The following PANK1 variants were observed in gnomAD, a reference collection of about 807,000 sequenced individuals.
PANK1 encodes the protein pantothenate kinase 1, also known as pantothenic acid kinase 1.
Under a neutral mutation model 40.1 loss-of-function variants are expected in PANK1, and 18 were observed. The observed-to-expected ratio is 0.45, with a 90% CI of 0.31 to 0.67. The LOEUF (loss-of-function observed/expected upper bound fraction) is 0.67, where lower values mean the gene tolerates loss of function less well. Among genes scored for constraint, PANK1 ranks in the 30% least tolerant of loss-of-function variants. PANK1 has a pLI of 0.06. For synonymous variants in PANK1, 242 were observed against 237.7 expected (o/e 1.02, Z -0.17); for missense variants, 457 against 599.6 (o/e 0.76, Z 2.48).
At chr10:89,604,203 AT>A (rs1844872986) in intron 2 of PANK1, among the ~76,000 whole-genome samples, 1 of 152,092 alleles carries the variant, frequency 6.6e-6, no homozygotes, top group African/African-American at 2.4e-5. Flanking sequence ...AGGGTAGGTA[AT>A]TTTTTTACTT....
chr10:89,618,312 TAC>T (rs769052435), intron 1 of PANK1, among the ~76,000 whole-genome samples: 1 of 152,190 alleles, frequency 6.6e-6, no homozygotes, highest in Non-Finnish European at 1.5e-5. Context: ...TATACTAATA[TAC>T]AATGTGTGGG....
rs756086954 is a variant in PANK1, at chr10:89,644,934, G to A, written c.-43C>T. 1.9e-6 allele frequency: 3 copies of A among 1,563,124 alleles called. No individual in the cohort carries two copies. The highest frequency in any genetic ancestry group is 2.3e-5 in the South Asian group (2 of 85,280). ...CTGTGCGCGGGCCCCGGCTCAGGCGGCCTCGCTGGAGGTCATTCTCCGGCG... is the reference window on the plus strand; with the variant it reads ...CTGTGCGCGGGCCCCGGCTCAGGCGACCTCGCTGGAGGTCATTCTCCGGCG... On this transcript the variant is annotated 5_prime_UTR_variant, in exon 1 of 7. Coordinates refer to ENST00000307534, the MANE Select transcript of PANK1 (RefSeq NM_148977.3).
intron 1 of PANK1, among the ~76,000 whole-genome samples, chr10:89,638,414 A>G (rs147159477): frequency 3.9e-5 from 6 of 152,254 alleles, no homozygotes; most frequent in Admixed American, 1.3e-4. Context: ...GCTTCCTTCT[A>G]TCCCTACTGA....
Position 89,612,055 on chromosome 10 carries a change from G to A in PANK1, c.293-7C>T, listed in dbSNP as rs773024611. 6.2e-7 allele frequency: 1 copy of A among 1,607,336 alleles called. No individual in the cohort carries two copies. On this transcript the variant is annotated splice_region_variant and splice_polypyrimidine_tract_variant and intron_variant, in intron 1 of 6. Transcript: ENST00000307534. ...ATGCCAAACCATGGGAATGCTAAAG[G>A]ACAGAAAGAAAGAGTGCTGCTGAAT... is the stretch of plus-strand genomic sequence containing the variant.
At chr10:89,606,023 AT>A (rs112690128) in intron 2 of PANK1, among the ~76,000 whole-genome samples, 1 of 151,682 alleles carries the variant, frequency 6.6e-6, no homozygotes, top group Non-Finnish European at 1.5e-5. Flanking sequence ...CTTTGAAAAG[AT>A]TTTTTTTTCT....
intron 6 of PANK1, among the ~76,000 whole-genome samples, chr10:89,586,902 G>A (rs1844212306): frequency 6.6e-6 from 1 of 152,156 alleles, no homozygotes. Flanking sequence ...TGAGGCGGGT[G>A]GATTACCTGA....
chr10:89,596,183 T>C (rs571670423), intron 3 of PANK1, among the ~76,000 whole-genome samples: 1 of 152,276 alleles, frequency 6.6e-6, no homozygotes, highest in African/African-American at 2.4e-5. Flanking sequence ...GTGTGCTATT[T>C]GGATTTGTTT....
In PANK1 at chr10:89,637,006, C is replaced by T. The variant is rs555449149; in HGVS notation, c.292+7594G>A. Reference sequence around the variant, plus strand: ...CCTCCCGAGTACCTGGGACTACAGGCGCCCGCCACCACGCCTGGCTATTTT... The same window carrying T: ...CCTCCCGAGTACCTGGGACTACAGGTGCCCGCCACCACGCCTGGCTATTTT... On this transcript the variant is annotated intron_variant, in intron 1 of 6. Transcript: ENST00000307534. Among the ~76,000 whole-genome samples the T allele has an allele frequency of 5.3e-5, 8 of 151,108 alleles. No individual in the cohort carries two copies. The South Asian group carries it at 1.3e-3, about 24-fold the overall frequency.
intron 1 of PANK1, among the ~76,000 whole-genome samples, chr10:89,644,143 C>T (rs1842042902): frequency 2.0e-5 from 3 of 152,168 alleles, no homozygotes; most frequent in Admixed American, 2.0e-4. Flanking sequence ...CTGCTGGCTA[C>T]TCTGTGATTC....
chr10:89,583,110 C>G lies in PANK1; in HGVS notation c.*1296G>C, dbSNP rs1375461141. The stretch of plus-strand genomic sequence containing the variant: ...CTCAGAAGGCAGAGAAAGGAAGATT[C>G]ATCATGGAGTAATTGTTCTGTCCTT... On this transcript the variant is annotated 3_prime_UTR_variant, in exon 7 of 7. Transcript: ENST00000307534. The G allele has an allele frequency of 6.6e-6, 1 of 152,136 alleles. No individual in the cohort carries two copies. Among genetic ancestry groups the G allele is most frequent in the Admixed American group, 6.5e-5 (1 of 15,278 alleles). The allele number at this position is 152,136 out of a possible 1,614,324, so 9.4% of individuals were successfully genotyped here. A position where few individuals can be genotyped will look rare whatever the true frequency, so the allele number is the denominator to read the frequency against.
rs1334289212 is a variant in PANK1, at chr10:89,584,463, A to T, written c.1329T>A (p.Gly443=). 1.2e-6 allele frequency: 2 copies of T among 1,602,106 alleles called. No homozygotes were observed. Among genetic ancestry groups the T allele is most frequent in the African/African-American group, 2.7e-5 (2 of 74,674 alleles). ...QLKALFLEHE[G]YFGAVGALLE... ...ACAGTGCCCCAACGGCTCCAAAATA[A>T]CCCTACGAAAACAATACAAAACGAT... Residue 443 remains glycine, a splice_region_variant and synonymous_variant, in exon 7 of 7, where the codon GGT becomes GGA. Transcript: ENST00000307534.
Position 89,584,067 on chromosome 10 carries a change from G to A in PANK1, c.*339C>T, listed in dbSNP as rs2133913118. The A allele has an allele frequency of 4.7e-6, 1 of 210,796 alleles. No individual in the cohort carries two copies. Among genetic ancestry groups the A allele is most frequent in the Non-Finnish European group, 9.5e-6 (1 of 105,602 alleles). The allele number at this position is 210,796 out of a possible 1,614,324, so 13.1% of individuals were successfully genotyped here. A position where few individuals can be genotyped will look rare whatever the true frequency, so the allele number is the denominator to read the frequency against. On this transcript the variant is annotated 3_prime_UTR_variant, in exon 7 of 7. Coordinates refer to ENST00000307534, the MANE Select transcript of PANK1 (RefSeq NM_148977.3). ...TCACCACACTGATCAGTAAACCCCAGAAGAAAAATGACCAGCGCTTACATA... is the reference window on the plus strand; with the variant it reads ...TCACCACACTGATCAGTAAACCCCAAAAGAAAAATGACCAGCGCTTACATA...
chr10:89,591,101 T>C (rs1352747609), intron 5 of PANK1, among the ~76,000 whole-genome samples: 2 of 151,998 alleles, frequency 1.3e-5, no homozygotes, highest in East Asian at 1.9e-4. Flanking sequence ...GGGTGAATTG[T>C]ATAGCATATA....
chr10:89,629,981 G>C (rs927907), intron 1 of PANK1, among the ~76,000 whole-genome samples: 1 of 152,026 alleles, frequency 6.6e-6, no homozygotes, highest in Non-Finnish European at 1.5e-5. Context: ...CAAACCTTTT[G>C]ATTAGTGCTA....
chr10:89,611,653 T>C (rs939398940), intron 2 of PANK1, 43 bp downstream of exon 2: 11 of 1,393,946 alleles, frequency 7.9e-6, no homozygotes, highest in Non-Finnish European at 1.1e-5. Context: ...ATTATGGACA[T>C]GTGAGAGGTT....
At chr10:89,600,159 G>A (rs1371054157) in intron 2 of PANK1, among the ~76,000 whole-genome samples, 4 of 152,198 alleles carry the variant, frequency 2.6e-5, no homozygotes, top group Non-Finnish European at 4.4e-5. Context: ...TCTGTTGTTT[G>A]AACCATTAAG....
intron 1 of PANK1, among the ~76,000 whole-genome samples, chr10:89,623,389 T>A (rs1465446756): frequency 6.6e-6 from 1 of 151,054 alleles, no homozygotes; most frequent in East Asian, 1.9e-4. Context: ...GCCTGGCTAA[T>A]TTTTTTTTGT....
At chr10:89,624,351 TTACTA>T (rs1344767573) in intron 1 of PANK1, among the ~76,000 whole-genome samples, 4 of 152,184 alleles carry the variant, frequency 2.6e-5, no homozygotes, top group Non-Finnish European at 5.9e-5. Context: ...AAAATACAAT[TTACTA>T]TATAATATTA....
At chr10:89,602,053 C>T (rs1478567898) in intron 2 of PANK1, among the ~76,000 whole-genome samples, 1 of 152,142 alleles carries the variant, frequency 6.6e-6, no homozygotes, top group Non-Finnish European at 1.5e-5. Context: ...TCTTGGATCA[C>T]CCCAAACTGA....
Sources: allele counts gnomAD v4.1 joint callset (sites outside exome capture counted in the v4.1 genomes callset), GRCh38; gene constraint gnomAD v4.1.1; transcripts MANE v1.5; gene names NCBI Gene and HGNC (gene_info 2026-07-23, HGNC 2026-07-21).